The following ITLN1 variants were observed in gnomAD, a reference collection of about 807,000 sequenced individuals.
ITLN1 encodes intelectin-1.
Under a neutral mutation model 36.2 loss-of-function variants are expected in ITLN1, and 29 were observed. That is an observed-to-expected ratio of 0.80 (90% CI 0.60 to 1.09). The LOEUF (loss-of-function observed/expected upper bound fraction) is 1.09, where lower values mean the gene tolerates loss of function less well. Ranked by LOEUF, ITLN1 falls within the 50% of genes least tolerant of loss-of-function variation. ITLN1 has a pLI of 0.00. For synonymous variants in ITLN1, 143 were observed against 146.5 expected (o/e 0.98, Z 0.17); for missense variants, 358 against 405.2 (o/e 0.88, Z 1.00).
Position 160,883,497 on chromosome 1 carries a change from T to C in ITLN1, c.88A>G (p.Thr30Ala). 6.2e-7 allele frequency: 1 copy of C among 1,613,172 alleles called. No individual in the cohort carries two copies. Among genetic ancestry groups the C allele is most frequent in the Non-Finnish European group, 8.5e-7 (1 of 1,179,242 alleles). Reference protein sequence around the residue: ...DEANTYFKEWTCSSSPSLPRS... With the variant: ...DEANTYFKEWACSSSPSLPRS... ...GGCAGAGATGGAGACGAAGAACAGGTCCATTCCTTGAAGTAAGTATTAGCC... is the reference window on the plus strand; with the variant it reads ...GGCAGAGATGGAGACGAAGAACAGGCCCATTCCTTGAAGTAAGTATTAGCC... The change falls in exon 3 of 8, where the codon ACC (threonine) becomes GCC (alanine). Residue 30 changes from threonine to alanine, a missense_variant. Coordinates refer to ENST00000326245, the MANE Select transcript of ITLN1 (RefSeq NM_017625.3).
At chr1:160,880,549 C>G (rs1670658357) in intron 6 of ITLN1, 39 bp downstream of exon 6, 1 of 1,607,772 alleles carries the variant, frequency 6.2e-7, no homozygotes, top group Non-Finnish European at 8.5e-7. Context: ...AATGTATTCC[C>G]TTTCCTACCA....
chr1:160,881,324 C>T lies in ITLN1; in HGVS notation c.406-12G>A. 3 of 1,575,512 alleles carry T rather than the reference C, an allele frequency of 1.9e-6. No individual in the cohort carries two copies. Among genetic ancestry groups the T allele is most frequent in the East Asian group, 4.5e-5 (2 of 44,160 alleles). ...TAGTAGCCAGGGTTCTGGAAAGCAA[C>T]AGACACTGAGCCTGACTGGGCCAGG... On this transcript the variant is annotated splice_polypyrimidine_tract_variant and intron_variant, in intron 4 of 7. Transcript: ENST00000326245.
chr1:160,881,804 G>GAAAAA (rs56380748), intron 4 of ITLN1, among the ~76,000 whole-genome samples, 153 bp downstream of exon 4: 1,408 of 125,126 alleles, frequency 0.011, 31 homozygotes, highest in African/African-American at 0.04. Flanking sequence ...TCCGTCTCAA[G>GAAAAA]AAAAAAAAAA....
chr1:160,880,392 A>C (rs1245738517), intron 6 of ITLN1, among the ~76,000 whole-genome samples, 196 bp downstream of exon 6: 1 of 152,052 alleles, frequency 6.6e-6, no homozygotes, highest in Non-Finnish European at 1.5e-5. Flanking sequence ...AAGTTTCTAA[A>C]CCTCTCAGTG....
chr1:160,880,032 G>A (rs1045807916), intron 6 of ITLN1, among the ~76,000 whole-genome samples: 4 of 152,122 alleles, frequency 2.6e-5, no homozygotes, highest in Non-Finnish European at 5.9e-5. Context: ...CTGGCCGGGC[G>A]TGGTGGCTCA....
At chr1:160,880,150 C>G (rs1471743746) in intron 6 of ITLN1, among the ~76,000 whole-genome samples, 1 of 152,030 alleles carries the variant, frequency 6.6e-6, no homozygotes, top group East Asian at 1.9e-4. Flanking sequence ...ACTAAAAATA[C>G]AAAAATCAGC....
Position 160,880,522 on chromosome 1 carries a change from G to C in ITLN1, c.685+66C>G. The C allele has an allele frequency of 1.9e-6, 3 of 1,545,984 alleles. No individual in the cohort carries two copies. The South Asian group carries it at 3.4e-5, about 18-fold the overall frequency. On this transcript the variant is annotated intron_variant, in intron 6 of 7. Transcript: ENST00000326245. ...CCAAGCTTCAGTCCGATGCATAACT[G>C]TTACCTAGCATAGTTGAATGTATTC...
rs754657259 is a variant in ITLN1, at chr1:160,884,870, T to G, written c.8A>C (p.Gln3Pro). 9 of 1,612,504 alleles carry G rather than the reference T, an allele frequency of 5.6e-6. No homozygotes were observed. Among genetic ancestry groups the G allele is most frequent in the Middle Eastern group, 1.6e-4 (1 of 6,080 alleles). The change falls in exon 2 of 8, where the codon CAA becomes CCA. Residue 3 changes from glutamine (Q) to proline (P), a missense_variant. Transcript: ENST00000326245. Reference sequence around the variant, plus strand: ...TATGAGAAACAGCAGGAAGCTGAGTTGGTTCATTGTAATCTAAAGAAAGCA... The same window carrying G: ...TATGAGAAACAGCAGGAAGCTGAGTGGGTTCATTGTAATCTAAAGAAAGCA... The part of the protein sequence containing the change: MN[Q>P]LSFLLFLIAT...
intron 4 of ITLN1, 184 bp from the exon 5 acceptor site, chr1:160,881,496 T>C: frequency 4.9e-6 from 3 of 614,664 alleles, no homozygotes; most frequent in South Asian, 3.1e-5. Context: ...ACAGCCTTGT[T>C]AGGAGGAAGT....
At chr1:160,880,027 C>T (rs915908915) in intron 6 of ITLN1, among the ~76,000 whole-genome samples, 7 of 152,062 alleles carry the variant, frequency 4.6e-5, no homozygotes, top group Admixed American at 1.3e-4. Flanking sequence ...GGAGCCTGGC[C>T]GGGCGTGGTG....
intron 5 of ITLN1, 97 bp from the exon 6 acceptor site, chr1:160,880,805 C>G (rs73027844): frequency 2.2e-6 from 3 of 1,361,398 alleles, no homozygotes; most frequent in Non-Finnish European, 3.1e-6. Context: ...AGAAACAATG[C>G]TTTCTCAGTA....
intron 7 of ITLN1, among the ~76,000 whole-genome samples, chr1:160,878,357 A>G (rs1363405474): frequency 6.7e-6 from 1 of 149,644 alleles, no homozygotes; most frequent in African/African-American, 2.5e-5. Flanking sequence ...TTTATAAATT[A>G]CCCAGTCTCA....
At chr1:160,879,861 T>G (rs1007229624) in intron 6 of ITLN1, among the ~76,000 whole-genome samples, 7 of 152,328 alleles carry the variant, frequency 4.6e-5, no homozygotes, top group Middle Eastern at 3.4e-3. Flanking sequence ...CGGAGCGTAC[T>G]ATGCTACCAA....
At chr1:160,884,926 T>G (rs763046109) in intron 1 of ITLN1, 43 bp from the exon 2 acceptor site, 2 of 1,348,676 alleles carry the variant, frequency 1.5e-6, no homozygotes, top group Non-Finnish European at 2.1e-6. Context: ...GCCATCATTT[T>G]TCTCTACATC....
intron 2 of ITLN1, 75 bp downstream of exon 2, chr1:160,884,745 C>G (rs1398644253): frequency 9.9e-7 from 1 of 1,006,954 alleles, no homozygotes; most frequent in Non-Finnish European, 1.6e-6. Flanking sequence ...AGGACATGCT[C>G]TGTGTCCTGG....
intron 2 of ITLN1, 62 bp from the exon 3 acceptor site, chr1:160,883,588 C>A: frequency 1.8e-6 from 2 of 1,136,376 alleles, no homozygotes; most frequent in Non-Finnish European, 2.7e-6. Context: ...CCTCTCCTAT[C>A]ACTAGTCCCA....
intron 7 of ITLN1, among the ~76,000 whole-genome samples, chr1:160,877,429 A>G (rs967865557): frequency 6.6e-6 from 1 of 152,100 alleles, no homozygotes; most frequent in Non-Finnish European, 1.5e-5. Context: ...TGTGGCCTCA[A>G]TTACTAAAAA....
In ITLN1 at chr1:160,876,796, T is replaced by C; in HGVS notation, c.810A>G (p.Gly270=). The change falls in exon 8 of 8, where the codon GGA becomes GGG. Residue 270 remains glycine (G), a synonymous_variant. Transcript: ENST00000326245. ...NTEHHCIGGG[G]YFPEASPQQC... ...GCTGGGGACTGGCCTCTGGAAAGTA[T>C]CCTCCTCCACCAATGCAGTGCTGGG... is the stretch of plus-strand genomic sequence containing the variant. 1 of 1,614,108 alleles carries C rather than the reference T, an allele frequency of 6.2e-7. No individual in the cohort carries two copies. The highest frequency in any genetic ancestry group is 8.5e-7 in the Non-Finnish European group (1 of 1,179,994).
Position 160,882,070 on chromosome 1 carries a change from C to G in ITLN1, c.292G>C (p.Asp98His), listed in dbSNP as rs375323097. Residue 98 changes from aspartate (D) to histidine (H), a missense_variant, in exon 4 of 8, where the codon GAT (aspartate) becomes CAT (histidine). Physicochemically the swap from Asp to His is moderately conservative, Grantham distance 81 (BLOSUM62 -1). Coordinates refer to ENST00000326245, the MANE Select transcript of ITLN1 (RefSeq NM_017625.3). ...CTGCCCTGCTGACTGGACCAGCGATCGCCCACCGTGCACTTCCCACGCATG... is the reference window on the plus strand; with the variant it reads ...CTGCCCTGCTGACTGGACCAGCGATGGCCCACCGTGCACTTCCCACGCATG... Reference protein sequence around the residue: ...NDMRGKCTVGDRWSSQQGSKA... With the variant: ...NDMRGKCTVGHRWSSQQGSKA... 7 of 1,614,080 alleles carry G rather than the reference C, an allele frequency of 4.3e-6. No individual in the cohort carries two copies. The African/African-American group carries it at 8.0e-5, about 18-fold the overall frequency.
Sources: gnomAD v4.1 joint callset for allele counts (sites outside exome capture counted in the v4.1 genomes callset) on GRCh38, gnomAD v4.1.1 for gene constraint, MANE v1.5 for transcripts, NCBI Gene and HGNC (gene_info 2026-07-23, HGNC 2026-07-21) for gene names.